Variants in KCND2 observed in about 807,000 individuals in gnomAD.
The protein encoded by KCND2 is A-type voltage-gated potassium channel KCND2.
KCND2 carries 16 observed loss-of-function variants against 54.4 expected under a neutral mutation model. That is an observed-to-expected ratio of 0.29 (90% CI 0.20 to 0.45). The LOEUF is 0.45. Ranked by LOEUF, KCND2 falls within the 20% of genes least tolerant of loss-of-function variation. The pLI, the probability that KCND2 is intolerant of heterozygous loss-of-function variation, is 1.00. For synonymous variants in KCND2, 317 were observed against 310.7 expected (o/e 1.02, Z -0.21); for missense variants, 486 against 824.2 (o/e 0.59, Z 5.02).
chr7:120,275,256 G>T lies in KCND2; in HGVS notation c.624G>T (p.Pro208=). The part of the protein sequence containing the change: ...SVIANVVETV[P]CGSSPGHIKE... The stretch of plus-strand genomic sequence containing the variant: ...TCGCGAATGTGGTGGAAACAGTGCC[G>T]TGCGGATCAAGCCCAGGTCACATTA... The change falls in exon 1 of 6, where the codon CCG becomes CCT. Residue 208 remains proline, a synonymous_variant. Coordinates refer to ENST00000331113, the MANE Select transcript of KCND2 (RefSeq NM_012281.3). 5 of 1,613,900 alleles carry T rather than the reference G, an allele frequency of 3.1e-6. No homozygotes were observed. Among genetic ancestry groups the T allele is most frequent in the Non-Finnish European group, 4.2e-6 (5 of 1,179,972 alleles).
intron 1 of KCND2, among the ~76,000 whole-genome samples, chr7:120,518,844 A>T (rs1803237986): frequency 6.6e-6 from 1 of 152,178 alleles, no homozygotes; most frequent in African/African-American, 2.4e-5. Flanking sequence ...GAAAAAGATT[A>T]GGGAGCTTAA....
chr7:120,602,444 A>G lies in KCND2; in HGVS notation c.1116-130459A>G, dbSNP rs542824618. 2.0e-5 allele frequency among the ~76,000 whole-genome samples: 3 copies of G among 152,260 alleles called. No individual in the cohort carries two copies. In the South Asian group the frequency reaches 6.2e-4, roughly 32 times the overall value. On this transcript the variant is annotated intron_variant, in intron 1 of 5. Coordinates refer to ENST00000331113, the MANE Select transcript of KCND2 (RefSeq NM_012281.3). Reference sequence around the variant, plus strand: ...CAATATGCCTGGACAGAGGTATATGATGTCCAGTTTTCTATGACCCAACGT... The same window carrying G: ...CAATATGCCTGGACAGAGGTATATGGTGTCCAGTTTTCTATGACCCAACGT...
chr7:120,440,856 A>G (rs1188328002), intron 1 of KCND2, among the ~76,000 whole-genome samples: 4 of 152,026 alleles, frequency 2.6e-5, no homozygotes, highest in East Asian at 3.9e-4. Context: ...TCTCTGTAAT[A>G]TCACAATCTA....
intron 1 of KCND2, among the ~76,000 whole-genome samples, chr7:120,617,212 G>A (rs1485714352): frequency 6.6e-6 from 1 of 152,162 alleles, no homozygotes; most frequent in Non-Finnish European, 1.5e-5. Context: ...TCCTCTGGAT[G>A]ACATTCAAAA....
intron 1 of KCND2, among the ~76,000 whole-genome samples, chr7:120,679,890 C>T (rs1257656385): frequency 2.6e-5 from 4 of 152,090 alleles, no homozygotes; most frequent in East Asian, 1.9e-4. Context: ...TGCTCTGTGC[C>T]CCTAATACCT....
At chr7:120,354,130 G>T (rs1309133288) in intron 1 of KCND2, among the ~76,000 whole-genome samples, 1 of 152,002 alleles carries the variant, frequency 6.6e-6, no homozygotes, top group Non-Finnish European at 1.5e-5. Flanking sequence ...TTTTTTTAAT[G>T]CAATACCATA....
chr7:120,398,013 ATATATATATATATATATATATATATT>A (rs1563033140), intron 1 of KCND2, among the ~76,000 whole-genome samples: 2 of 127,268 alleles, frequency 1.6e-5, no homozygotes, highest in African/African-American at 7.0e-5. Context: ...ATATATATAT[ATATATATATATATATATATATATATT>A]TGCTCTTTTT....
intron 1 of KCND2, among the ~76,000 whole-genome samples, chr7:120,595,842 A>G (rs1792738415): frequency 6.6e-6 from 1 of 151,866 alleles, no homozygotes; most frequent in Non-Finnish European, 1.5e-5. Context: ...CCAGCACATA[A>G]AAGACACTCA....
chr7:120,727,089 A>C (rs747390145), intron 1 of KCND2, among the ~76,000 whole-genome samples: 1 of 152,198 alleles, frequency 6.6e-6, no homozygotes, highest in African/African-American at 2.4e-5. Flanking sequence ...GCCTCATATA[A>C]CATTTGTACT....
At chr7:120,360,649 C>T (rs942044769) in intron 1 of KCND2, among the ~76,000 whole-genome samples, 5 of 151,928 alleles carry the variant, frequency 3.3e-5, no homozygotes, top group Non-Finnish European at 7.4e-5. Flanking sequence ...TGGGACAGAG[C>T]AAAGTTGTAT....
chr7:120,368,508 T>C (rs1800718612), intron 1 of KCND2, among the ~76,000 whole-genome samples: 1 of 152,130 alleles, frequency 6.6e-6, no homozygotes, highest in Non-Finnish European at 1.5e-5. Flanking sequence ...TTTTTCATTC[T>C]AAAAGTGACT....
At chr7:120,612,265 C>T (rs1792966065) in intron 1 of KCND2, among the ~76,000 whole-genome samples, 1 of 152,168 alleles carries the variant, frequency 6.6e-6, no homozygotes, top group African/African-American at 2.4e-5. Flanking sequence ...TTTCCAATCC[C>T]CATGCCCACA....
In KCND2 at chr7:120,747,765, C is replaced by T. The variant is rs1793025013; in HGVS notation, c.1800C>T (p.Ile600=). The change falls in exon 6 of 6, where the codon ATC becomes ATT. Residue 600 remains isoleucine, a synonymous_variant. Transcript: ENST00000331113. ...ATGTGACTACAGCAATAATAAGCAT[C>T]CCAACACCTCCAGTAACCACACCAG... is the stretch of plus-strand genomic sequence containing the variant. The part of the protein sequence containing the change: ...QPYVTTAIIS[I]PTPPVTTPEG... The T allele has an allele frequency of 6.2e-7, 1 of 1,611,928 alleles. No individual in the cohort carries two copies. Among genetic ancestry groups the T allele is most frequent in the African/African-American group, 1.3e-5 (1 of 74,926 alleles).
chr7:120,557,278 A>T (rs186051783), intron 1 of KCND2, among the ~76,000 whole-genome samples: 3 of 152,212 alleles, frequency 2.0e-5, no homozygotes, highest in Admixed American at 2.0e-4. Context: ...TCTTTTCTTT[A>T]TGCTACAAAC....
intron 1 of KCND2, among the ~76,000 whole-genome samples, chr7:120,491,651 A>G (rs1021562855): frequency 2.0e-5 from 3 of 152,118 alleles, no homozygotes; most frequent in African/African-American, 7.2e-5. Flanking sequence ...TTAGCAAAAT[A>G]TGTGTGGGTG....
At chr7:120,597,169 C>G (rs1792755802) in intron 1 of KCND2, among the ~76,000 whole-genome samples, 3 of 152,066 alleles carry the variant, frequency 2.0e-5, no homozygotes, top group Admixed American at 2.0e-4. Flanking sequence ...AACGGCAGCC[C>G]TGGTGGAATT....
chr7:120,585,168 G>A (rs925021242), intron 1 of KCND2, among the ~76,000 whole-genome samples: 10 of 150,780 alleles, frequency 6.6e-5, no homozygotes, highest in East Asian at 1.9e-4. Context: ...TGCCTAAGGG[G>A]AGTGTAGAGA....
At chr7:120,589,378 G>T (rs1792642176) in intron 1 of KCND2, among the ~76,000 whole-genome samples, 1 of 152,100 alleles carries the variant, frequency 6.6e-6, no homozygotes, top group African/African-American at 2.4e-5. Flanking sequence ...ACATTTAATA[G>T]ACAATAAAGT....
chr7:120,275,835 A>G, intron 1 of KCND2, 88 bp downstream of exon 1: 1 of 1,409,616 alleles, frequency 7.1e-7, no homozygotes, highest in Non-Finnish European at 9.9e-7. Flanking sequence ...ACTCCGGGGA[A>G]ATCATTTGTT....
Sources: allele counts gnomAD v4.1 joint callset (sites outside exome capture counted in the v4.1 genomes callset), GRCh38; gene constraint gnomAD v4.1.1; transcripts MANE v1.5; gene names NCBI Gene and HGNC (gene_info 2026-07-23, HGNC 2026-07-21).